The following ACOT12 variants were observed in gnomAD, a reference collection of about 807,000 sequenced individuals.
ACOT12 encodes acetyl-coenzyme A thioesterase.
ACOT12 carries 51 observed loss-of-function variants against 67.7 expected under a neutral mutation model. The ratio of observed to expected loss-of-function variants is 0.75; its 90% confidence interval spans 0.60 to 0.95. The LOEUF is 0.95. ACOT12 is among the 40% of genes least tolerant of loss of function. The pLI, the probability that ACOT12 is intolerant of heterozygous loss-of-function variation, is 0.00. For synonymous variants in ACOT12, 251 were observed against 244.6 expected (o/e 1.03, Z -0.24); for missense variants, 734 against 708.1 (o/e 1.04, Z -0.41).
chr5:81,355,107 G>A (rs918393745), intron 5 of ACOT12, among the ~76,000 whole-genome samples: 1 of 152,140 alleles, frequency 6.6e-6, no homozygotes, highest in Non-Finnish European at 1.5e-5. Flanking sequence ...ATCCTTTACA[G>A]CATAGTTCCT....
the ACOT12 span, among the ~76,000 whole-genome samples, chr5:81,324,510 C>T: frequency 3.3e-5 from 5 of 152,190 alleles, no homozygotes; most frequent in East Asian, 9.7e-4. Flanking sequence ...GAAATTAAGC[C>T]TAGAGACATA....
chr5:81,326,273 T>A (rs1758674795), downstream of ACOT12, among the ~76,000 whole-genome samples: 1 of 151,918 alleles, frequency 6.6e-6, no homozygotes, highest in South Asian at 2.1e-4. Context: ...TACAGGCGCA[T>A]GCCACCACGT....
chr5:81,322,528 G>T, the ACOT12 span, among the ~76,000 whole-genome samples: 1 of 151,790 alleles, frequency 6.6e-6, no homozygotes, highest in African/African-American at 2.4e-5. Context: ...AGGGAAGTTG[G>T]CGTGGGTGGG....
chr5:81,375,398 T>G (rs1035949072), intron 2 of ACOT12, among the ~76,000 whole-genome samples: 2 of 152,050 alleles, frequency 1.3e-5, no homozygotes, highest in African/African-American at 4.8e-5. Flanking sequence ...TATCAAATTG[T>G]AAAGACCATT....
chr5:81,392,838 G>A (rs569062202), intron 1 of ACOT12, among the ~76,000 whole-genome samples: 2 of 152,220 alleles, frequency 1.3e-5, no homozygotes, highest in East Asian at 1.9e-4. Flanking sequence ...CCCATTGTAG[G>A]TCCTAGTGAG....
intron 3 of ACOT12, among the ~76,000 whole-genome samples, chr5:81,370,206 G>A (rs754936947): frequency 8.5e-5 from 13 of 152,204 alleles, no homozygotes; most frequent in East Asian, 5.8e-4. Context: ...CCCAGGAGGC[G>A]GAGGTTGCCG....
At chr5:81,325,060 G>GA (rs1758642603), downstream of ACOT12, among the ~76,000 whole-genome samples, 1 of 152,114 alleles carries the variant, frequency 6.6e-6, no homozygotes, top group African/African-American at 2.4e-5. Flanking sequence ...CTGAAGCAGA[G>GA]AAAAAAGAGA....
chr5:81,346,777 G>T (rs1288635350), intron 6 of ACOT12, among the ~76,000 whole-genome samples: 1 of 151,636 alleles, frequency 6.6e-6, no homozygotes, highest in African/African-American at 2.4e-5. Flanking sequence ...ATAACTACTG[G>T]TTTGTAACTA....
At chr5:81,378,726 G>C (rs1311281684) in intron 2 of ACOT12, among the ~76,000 whole-genome samples, 1 of 152,026 alleles carries the variant, frequency 6.6e-6, no homozygotes, top group Non-Finnish European at 1.5e-5. Flanking sequence ...ACAAACATAA[G>C]AAAAAAAGCT....
chr5:81,363,062 G>C (rs773614959), intron 4 of ACOT12, among the ~76,000 whole-genome samples: 3 of 152,116 alleles, frequency 2.0e-5, no homozygotes, highest in Non-Finnish European at 4.4e-5. Context: ...AGAAGCCACT[G>C]TGTCTAGCTC....
rs1419410590 is a variant in ACOT12, at chr5:81,344,936, A to G, written c.879T>C (p.Asp293=). ...SAFLIYNAAD[D]KENLITFPRI... Reference sequence around the variant, plus strand: ...TGGGAAACGTGATGAGATTTTCCTTATCATCAGCAGCATTGTAAATGAGAA... The same window carrying G: ...TGGGAAACGTGATGAGATTTTCCTTGTCATCAGCAGCATTGTAAATGAGAA... Residue 293 remains aspartate, a synonymous_variant, in exon 8 of 15, where the codon GAT becomes GAC. Coordinates refer to ENST00000307624, the MANE Select transcript of ACOT12 (RefSeq NM_130767.3). The G allele has an allele frequency of 6.8e-6, 11 of 1,614,168 alleles. No homozygotes were observed. The highest frequency in any genetic ancestry group is 1.7e-5 in the Admixed American group (1 of 60,030).
intron 1 of ACOT12, among the ~76,000 whole-genome samples, chr5:81,393,382 A>T (rs1426265951): frequency 6.6e-6 from 1 of 152,216 alleles, no homozygotes; most frequent in Non-Finnish European, 1.5e-5. Flanking sequence ...GGTAAATGTG[A>T]TATAAATAGC....
chr5:81,355,256 T>C (rs1007690151), intron 5 of ACOT12, among the ~76,000 whole-genome samples: 1 of 152,260 alleles, frequency 6.6e-6, no homozygotes. Context: ...AAACCCATTA[T>C]GTAAGTACCT....
At chr5:81,312,596 A>G in the ACOT12 span, 1 of 1,613,916 alleles carries the variant, frequency 6.2e-7, no homozygotes. Flanking sequence ...CAGACTATGA[A>G]GAAATTTTGG....
rs374700198 is a variant in ACOT12 at position 81,336,152 on chromosome 5, G to GT, written c.1129-252dup. On this transcript the variant is annotated intron_variant, in intron 11 of 14. Transcript: ENST00000307624. ...TGGGCTATTTAATTATTGCACAACA[G>GT]TTTTTTTTTTTCTCATGAAAAATGT... Among the ~76,000 whole-genome samples the GT allele has an allele frequency of 2.3e-3, 343 of 147,084 alleles. 5 individuals are homozygous for GT. In the East Asian group the frequency reaches 0.048, roughly 21 times the overall value.
At chr5:81,310,310 G>T in the ACOT12 span, among the ~76,000 whole-genome samples, 1 of 151,926 alleles carries the variant, frequency 6.6e-6, no homozygotes, top group Non-Finnish European at 1.5e-5. Context: ...TTTTAATTTA[G>T]AACACTTTAG....
chr5:81,344,327 T>C (rs1454914791), intron 8 of ACOT12, 112 bp from the exon 9 acceptor site: 3 of 1,044,716 alleles, frequency 2.9e-6, no homozygotes, highest in Non-Finnish European at 4.1e-6. Context: ...CTAACTGAGA[T>C]GTGGTGTCTC....
At position 81,330,616 on chromosome 5, in the gene ACOT12, T is replaced by A. The variant is rs548698366; in HGVS notation, c.1519-73A>T. 25 of 1,557,886 alleles carry A rather than the reference T, an allele frequency of 1.6e-5. No individual in the cohort carries two copies. In the East Asian group the frequency reaches 5.7e-4, roughly 36 times the overall value. On this transcript the variant is annotated intron_variant, in intron 14 of 14. Transcript: ENST00000307624. ...GCTTTTTCAAGAAAGGATCTGAGTC[T>A]TGCTGGTGTAGGGGAGGCTAAGACC...
intron 5 of ACOT12, among the ~76,000 whole-genome samples, chr5:81,354,778 A>G (rs1759658850): frequency 6.6e-6 from 1 of 151,316 alleles, no homozygotes; most frequent in East Asian, 1.9e-4. Flanking sequence ...ATCTTGGTTC[A>G]CTGTAAACTC....
Sources: allele counts gnomAD v4.1 joint callset (sites outside exome capture counted in the v4.1 genomes callset), GRCh38; gene constraint gnomAD v4.1.1; transcripts MANE v1.5; gene names NCBI Gene and HGNC (gene_info 2026-07-23, HGNC 2026-07-21).